PRKD2: variants seen among roughly 807,000 people sequenced by gnomAD.
PRKD2 encodes the protein serine/threonine-protein kinase D2.
In PRKD2, 22 loss-of-function variants were observed where a neutral mutation model predicts 86.0. The ratio of observed to expected loss-of-function variants is 0.26; its 90% CI spans 0.18 to 0.37. The LOEUF (loss-of-function observed/expected upper bound fraction) is 0.37. PRKD2 is among the 10% of genes least tolerant of loss of function. PRKD2 has a pLI of 1.00. For missense variants in PRKD2, 818 were observed against 1,199.2 expected (o/e 0.68, Z 4.70); for synonymous variants, 509 against 510.9 (o/e 1.00, Z 0.05).
rs1197532470 is a variant in PRKD2, at chr19:46,701,142, G to A, written c.890-30C>T. 4.4e-6 allele frequency: 7 copies of A among 1,606,362 alleles called. No homozygotes were observed. The East Asian group carries it at 1.6e-4, about 36-fold the overall frequency. The stretch of plus-strand genomic sequence containing the variant: ...TAGGACAGGGAACAAGGGAACGGGT[G>A]AGAAGGGGAAGAGAGGTTACCTGGA... On this transcript the variant is annotated intron_variant, in intron 5 of 17. Coordinates refer to ENST00000291281, the MANE Select transcript of PRKD2 (RefSeq NM_016457.5).
intron 7 of PRKD2, among the ~76,000 whole-genome samples, chr19:46,700,289 T>C (rs1378416408): frequency 6.6e-6 from 1 of 151,972 alleles, no homozygotes; most frequent in Non-Finnish European, 1.5e-5. Context: ...CTCGGGAGGC[T>C]GAGGCAGGAG....
intron 3 of PRKD2, 27 bp downstream of exon 3, chr19:46,710,880 C>T: frequency 6.6e-7 from 1 of 1,516,848 alleles, no homozygotes; most frequent in Non-Finnish European, 8.9e-7. Context: ...CCGCCCCAGG[C>T]CCCGCCCCCA....
intron 3 of PRKD2, 53 bp downstream of exon 3, chr19:46,710,854 C>T (rs767033008): frequency 1.2e-4 from 183 of 1,505,090 alleles, no homozygotes; most frequent in Non-Finnish European, 1.6e-4. Context: ...TTACGCTCCG[C>T]CCCCGGTGCA....
chr19:46,683,047 G>A (rs1245095196), intron 14 of PRKD2, among the ~76,000 whole-genome samples: 6 of 151,398 alleles, frequency 4.0e-5, no homozygotes, highest in African/African-American at 7.3e-5. Context: ...CACCCAGGCT[G>A]AAGTGCAGTA....
chr19:46,704,725 C>CCAACTCTCACCCAATCTCT, intron 3 of PRKD2, 76 bp from the exon 4 acceptor site: 1 of 1,511,272 alleles, frequency 6.6e-7, no homozygotes, highest in Non-Finnish European at 8.9e-7. Flanking sequence ...TGTGCCCTTT[C>CCAACTCTCACCCAATCTCT]CACCCAATCT....
rs191103434 is a variant in PRKD2, at chr19:46,696,528, G to A, written c.1317+629C>T. On this transcript the variant is annotated intron_variant, in intron 9 of 17. Transcript: ENST00000291281. ...TAATCCCAGCACTTTGGGAGGCCGA[G>A]GGGGGCAGATCATGAGGTCAAGAGA... Among the ~76,000 whole-genome samples the A allele has an allele frequency of 2.6e-3, 400 of 152,204 alleles. 3 individuals carry two copies. The highest frequency in any genetic ancestry group is 4.6e-3 in the Non-Finnish European group (314 of 67,998).
At chr19:46,696,455 C>T (rs935092841) in intron 9 of PRKD2, among the ~76,000 whole-genome samples, 1 of 151,976 alleles carries the variant, frequency 6.6e-6, no homozygotes, top group Non-Finnish European at 1.5e-5. Context: ...CAATGCAATA[C>T]ATTAATTATA....
In PRKD2 at chr19:46,678,421, G is replaced by C. The variant is rs774867853; in HGVS notation, c.2313C>G (p.Ser771Arg). The C allele has an allele frequency of 1.2e-6, 2 of 1,614,130 alleles. No homozygotes were observed. Among genetic ancestry groups the C allele is most frequent in the East Asian group, 2.2e-5 (1 of 44,870 alleles). Reference sequence around the variant, plus strand: ...CTCCAGCTGAGATGTGGCTCCAGGGGCTGGCCGGGTACATGAAGGCGGCGT... The same window carrying C: ...CTCCAGCTGAGATGTGGCTCCAGGGCCTGGCCGGGTACATGAAGGCGGCGT... ...IQNAAFMYPA[S>R]PWSHISAGAI... The change falls in exon 16 of 18, where the codon AGC becomes AGG. Residue 771 changes from serine (S) to arginine (R), a missense_variant. Transcript: ENST00000291281. This position sits in a 1 kb window ranked among gnomAD's most constrained non-coding sequence, Gnocchi z 5.7.
chr19:46,688,346 C>G lies in PRKD2; in HGVS notation c.1971+1191G>C, dbSNP rs114055559. Among the ~76,000 whole-genome samples the G allele has an allele frequency of 6.6e-5, 10 of 151,988 alleles. No homozygotes were observed. In the South Asian group the frequency reaches 1.2e-3, roughly 19 times the overall value. ...GTCAAGTCAGGTCCAGGGAGCCTGA[C>G]TGATCATTTATTTTTTATAATAAAA... is the stretch of plus-strand genomic sequence containing the variant. On this transcript the variant is annotated intron_variant, in intron 14 of 17. Transcript: ENST00000291281.
At chr19:46,712,987 C>T (rs1448562499) in intron 2 of PRKD2, among the ~76,000 whole-genome samples, 1 of 152,060 alleles carries the variant, frequency 6.6e-6, no homozygotes, top group Non-Finnish European at 1.5e-5. Flanking sequence ...TGGCAGGAGC[C>T]ATGGACATCA....
chr19:46,691,719 T>C lies in PRKD2; in HGVS notation c.1702+16A>G. ...AGCCCGGGGCTCCCTCTGGGTTAGC[T>C]CTGAAGTGTCCTCACCTCCATAGAC... On this transcript the variant is annotated intron_variant, in intron 12 of 17. Transcript: ENST00000291281. The C allele has an allele frequency of 6.2e-7, 1 of 1,611,972 alleles. No individual in the cohort carries two copies. The highest frequency in any genetic ancestry group is 8.5e-7 in the Non-Finnish European group (1 of 1,179,746).
intron 7 of PRKD2, among the ~76,000 whole-genome samples, chr19:46,698,668 G>C (rs1306559256): frequency 6.6e-6 from 1 of 152,202 alleles, no homozygotes; most frequent in Non-Finnish European, 1.5e-5. Context: ...CAGAGATTAA[G>C]TGGCCTGCTG....
chr19:46,708,854 G>A (rs1423092536), intron 3 of PRKD2, among the ~76,000 whole-genome samples: 1 of 152,154 alleles, frequency 6.6e-6, no homozygotes, highest in Non-Finnish European at 1.5e-5. Flanking sequence ...TAAGACAGGT[G>A]CCAGGTTGAC....
At chr19:46,692,804 T>TG (rs768471197) in intron 10 of PRKD2, among the ~76,000 whole-genome samples, 1 of 152,188 alleles carries the variant, frequency 6.6e-6, no homozygotes, top group Admixed American at 6.5e-5. Context: ...CTGCATATGC[T>TG]GTTTCCCCTG....
chr19:46,712,982 G>C (rs924296761), intron 2 of PRKD2, among the ~76,000 whole-genome samples: 17 of 152,070 alleles, frequency 1.1e-4, no homozygotes, highest in Admixed American at 9.8e-4. Context: ...TTTCGTGGCA[G>C]GAGCCATGGA....
Position 46,674,412 on chromosome 19 carries a change from C to G in PRKD2, c.*111G>C. Reference sequence around the variant, plus strand: ...AAATAGCTCCCCCCACCCCACTCCCCACGTGTCCCATCCAGTTTGGGCAGG... The same window carrying G: ...AAATAGCTCCCCCCACCCCACTCCCGACGTGTCCCATCCAGTTTGGGCAGG... On this transcript the variant is annotated 3_prime_UTR_variant, in exon 18 of 18. Transcript: ENST00000291281. The G allele has an allele frequency of 2.5e-6, 3 of 1,199,622 alleles. No homozygotes were observed. Among genetic ancestry groups the G allele is most frequent in the Non-Finnish European group, 3.4e-6 (3 of 872,136 alleles). The allele number at this position is 1,199,622 out of a possible 1,614,324, so 74.3% of individuals were successfully genotyped here.
intron 9 of PRKD2, 63 bp downstream of exon 9, chr19:46,697,094 A>C: frequency 7.9e-7 from 1 of 1,263,736 alleles, no homozygotes; most frequent in South Asian, 1.2e-5. Flanking sequence ...GGGTAGGAGG[A>C]GGTGTGGGAA....
At chr19:46,704,447 C>G in intron 4 of PRKD2, 48 bp downstream of exon 4, 1 of 1,613,898 alleles carries the variant, frequency 6.2e-7, no homozygotes, top group Non-Finnish European at 8.5e-7. Context: ...ATGCCTGGGC[C>G]AAGTCACCCC....
At chr19:46,705,538 G>A (rs1402499514) in intron 3 of PRKD2, among the ~76,000 whole-genome samples, 1 of 152,158 alleles carries the variant, frequency 6.6e-6, no homozygotes, top group Non-Finnish European at 1.5e-5. Context: ...TGTAATCCCA[G>A]CACTTTGGGA....
Sources: gnomAD v4.1 joint callset for allele counts (sites outside exome capture counted in the v4.1 genomes callset) on GRCh38, gnomAD v4.1.1 for gene constraint, Gnocchi (gnomAD v3.1) non-coding constraint, MANE v1.5 for transcripts, NCBI Gene and HGNC (gene_info 2026-07-23, HGNC 2026-07-21) for gene names.